The following ACO1 variants were observed in gnomAD, a reference collection of about 807,000 sequenced individuals.
ACO1 encodes aconitase 1, also known as cytoplasmic aconitate hydratase.
In ACO1, 78 loss-of-function variants were observed where a neutral mutation model predicts 105.1. That is an observed-to-expected ratio of 0.74 (90% CI 0.62 to 0.90). The LOEUF (loss-of-function observed/expected upper bound fraction) is 0.90, where lower values mean the gene tolerates loss of function less well. Ranked by LOEUF, ACO1 falls within the 40% of genes least tolerant of loss-of-function variation. The probability of loss-of-function intolerance (pLI) is 0.00; values close to 1 mark genes in which losing one functional copy is unlikely to be tolerated. For synonymous variants in ACO1, 364 were observed against 397.4 expected (o/e 0.92, Z 1.00); for missense variants, 965 against 1,111.1 (o/e 0.87, Z 1.87).
chr9:32,418,298 C>A, intron 5 of ACO1, 30 bp from the exon 6 acceptor site: 1 of 1,613,418 alleles, frequency 6.2e-7, no homozygotes, highest in South Asian at 1.1e-5. Context: ...TTCACGCGTT[C>A]ATAGTGTTCT....
chr9:32,442,719 G>A (rs1822509866), intron 19 of ACO1, among the ~76,000 whole-genome samples: 1 of 152,124 alleles, frequency 6.6e-6, no homozygotes, highest in South Asian at 2.1e-4. Context: ...AAAATCAAGG[G>A]AAAAATTTTA....
chr9:32,433,694 T>A (rs1822289997), intron 15 of ACO1, 34 bp from the exon 16 acceptor site: 19 of 1,492,556 alleles, frequency 1.3e-5, no homozygotes, highest in Non-Finnish European at 1.6e-5. Flanking sequence ...TGGAATGGGA[T>A]GTGATTAGAT....
chr9:32,436,187 G>A, intron 17 of ACO1, 63 bp from the exon 18 acceptor site: 1 of 1,602,820 alleles, frequency 6.2e-7, no homozygotes, highest in East Asian at 2.2e-5. Context: ...TTTTCTTGGT[G>A]TAAGCTAAGG....
In ACO1 at chr9:32,450,079, C is replaced by CTCAACT; in HGVS notation, c.2639_2644dup (p.Asn881_Tyr882insPheAsn). The CTCAACT allele has an allele frequency of 6.2e-7, 1 of 1,613,898 alleles. No individual in the cohort carries two copies. On this transcript the variant is annotated inframe_insertion, in exon 21 of 21. Coordinates refer to ENST00000309951, the MANE Select transcript of ACO1 (RefSeq NM_002197.3). ...CACTTATTTCCTCAACGGGGGCATC[C>CTCAACT]TCAACTACATGATCCGCAAGATGGC... is the stretch of plus-strand genomic sequence containing the variant.
At chr9:32,446,949 A>T (rs577309609) in intron 19 of ACO1, among the ~76,000 whole-genome samples, 1 of 152,274 alleles carries the variant, frequency 6.6e-6, no homozygotes, top group East Asian at 1.9e-4. Context: ...AGAGAGATCC[A>T]TTGTTAGTCT....
chr9:32,434,760 G>A, intron 17 of ACO1, 59 bp downstream of exon 17: 1 of 1,588,218 alleles, frequency 6.3e-7, no homozygotes, highest in Admixed American at 1.7e-5. Context: ...GAGTTAATGA[G>A]GCCAGCATTT....
In ACO1 at chr9:32,431,765, G is replaced by A. The variant is rs761563397; in HGVS notation, c.1773G>A (p.Pro591=). ...GQQVFLKDIW[P]TRDEIQAVER... ...AGGTATTTCTGAAAGATATCTGGCCGACTAGAGACGAGATCCAGGCAGTGG... is the reference window on the plus strand; with the variant it reads ...AGGTATTTCTGAAAGATATCTGGCCAACTAGAGACGAGATCCAGGCAGTGG... The change falls in exon 15 of 21, where the codon CCG becomes CCA. Residue 591 remains proline, a synonymous_variant. Coordinates refer to ENST00000309951, the MANE Select transcript of ACO1 (RefSeq NM_002197.3). The A allele has an allele frequency of 8.7e-6, 14 of 1,613,976 alleles. No individual in the cohort carries two copies. Among genetic ancestry groups the A allele is most frequent in the South Asian group, 3.3e-5 (3 of 91,080 alleles).
At position 32,419,129 on chromosome 9, in the gene ACO1, G is replaced by A; in HGVS notation, c.750G>A (p.Lys250=). 6.2e-7 allele frequency: 1 copy of A among 1,607,052 alleles called. No individual in the cohort carries two copies. The highest frequency in any genetic ancestry group is 1.3e-5 in the African/African-American group (1 of 74,644). ...TGATTGGCTACAGGCTGATGGGGAA[G>A]CCCCACCCTCTGGTAACATCCACTG... ...PQVIGYRLMG[K]PHPLVTSTDI... The change falls in exon 7 of 21, where the codon AAG becomes AAA. Residue 250 remains lysine, a synonymous_variant. Coordinates refer to ENST00000309951, the MANE Select transcript of ACO1 (RefSeq NM_002197.3).
intron 1 of ACO1, among the ~76,000 whole-genome samples, chr9:32,385,210 A>T (rs778925105): frequency 8.5e-5 from 13 of 152,226 alleles, no homozygotes; most frequent in Non-Finnish European, 1.5e-4. Flanking sequence ...CCTTCGTGGG[A>T]GGCTTGAACA....
chr9:32,449,835 T>A (rs920619934), intron 20 of ACO1, among the ~76,000 whole-genome samples, 163 bp from the exon 21 acceptor site: 2 of 152,100 alleles, frequency 1.3e-5, no homozygotes, highest in Non-Finnish European at 1.5e-5. Context: ...CATCTTCTGA[T>A]TTAGTGGGTC....
intron 3 of ACO1, among the ~76,000 whole-genome samples, chr9:32,407,876 A>T (rs531164740): frequency 6.6e-6 from 1 of 152,356 alleles, no homozygotes; most frequent in South Asian, 2.1e-4. Flanking sequence ...AGTCTTGACC[A>T]TAACTGTTAA....
At chr9:32,448,821 A>T (rs2118587511) in intron 19 of ACO1, 75 bp from the exon 20 acceptor site, 2 of 1,552,754 alleles carry the variant, frequency 1.3e-6, no homozygotes, top group Non-Finnish European at 1.8e-6. Context: ...CAGCTCTCTC[A>T]CAAAGTCTTT....
rs1325056393 is a variant in ACO1, at chr9:32,431,945, T to C, written c.1851+102T>C. The C allele has an allele frequency of 6.0e-6, 8 of 1,324,452 alleles. No homozygotes were observed. The East Asian group carries it at 1.0e-4, about 17-fold the overall frequency. 82.0% of individuals were successfully genotyped at this position (1,324,452 alleles called of 1,614,324 possible). On this transcript the variant is annotated intron_variant, in intron 15 of 20. Transcript: ENST00000309951. ...TCAAGGCTAACGGAAGTATAAACTA[T>C]ATAAAGTAACATTTATTTCTTCAGA...
At position 32,440,527 on chromosome 9, in the gene ACO1, T is replaced by C. The variant is rs374146138; in HGVS notation, c.2310T>C (p.Ala770=). The C allele has an allele frequency of 2.5e-6, 4 of 1,613,946 alleles. No homozygotes were observed. The African/African-American group carries it at 5.3e-5, about 22-fold the overall frequency. ...CAGGCCTTCCCCTGATCGTTCTGGCTGGCAAAGAGTACGGTGCAGGCAGCT... is the reference window on the plus strand; with the variant it reads ...CAGGCCTTCCCCTGATCGTTCTGGCCGGCAAAGAGTACGGTGCAGGCAGCT... ...QQAGLPLIVL[A]GKEYGAGSSR... The change falls in exon 19 of 21, where the codon GCT becomes GCC. Residue 770 remains alanine (A), a synonymous_variant. Transcript: ENST00000309951.
At position 32,436,298 on chromosome 9, in the gene ACO1, C is replaced by T. The variant is rs777247934; in HGVS notation, c.2148C>T (p.Asp716=). The T allele has an allele frequency of 1.4e-5, 23 of 1,614,034 alleles. No individual in the cohort carries two copies. The East Asian group carries it at 1.8e-4, about 13-fold the overall frequency. ...FNSYGSRRGN[D]AVMARGTFAN... ...CCTATGGCTCCCGCCGAGGTAATGA[C>T]GCCGTCATGGCACGGGGAACATTTG... The change falls in exon 18 of 21, where the codon GAC becomes GAT. Residue 716 remains aspartate, a synonymous_variant. Transcript: ENST00000309951.
intron 19 of ACO1, among the ~76,000 whole-genome samples, chr9:32,447,196 A>G (rs1587559911): frequency 6.6e-6 from 1 of 152,298 alleles, no homozygotes; most frequent in East Asian, 1.9e-4. Context: ...GTCACTTTCA[A>G]GTACACCATT....
intron 11 of ACO1, among the ~76,000 whole-genome samples, chr9:32,426,238 G>A (rs1468929973): frequency 6.6e-6 from 1 of 152,244 alleles, no homozygotes; most frequent in African/African-American, 2.4e-5. Context: ...AAAATAAGTA[G>A]AGGAAAGCAA....
chr9:32,422,978 A>G (rs1323840897), intron 8 of ACO1, among the ~76,000 whole-genome samples: 2 of 152,340 alleles, frequency 1.3e-5, no homozygotes, highest in African/African-American at 2.4e-5. Flanking sequence ...AGGCAAATGC[A>G]TAGGTGTGCT....
At chr9:32,401,332 GTT>G (rs56109134) in intron 1 of ACO1, among the ~76,000 whole-genome samples, 7 of 148,282 alleles carry the variant, frequency 4.7e-5, no homozygotes, top group Non-Finnish European at 7.5e-5. Flanking sequence ...GATTTTAAGG[GTT>G]TTTTTTTTCC....
Sources: gnomAD v4.1 joint callset for allele counts (sites outside exome capture counted in the v4.1 genomes callset) on GRCh38, gnomAD v4.1.1 for gene constraint, MANE v1.5 for transcripts, NCBI Gene and HGNC (gene_info 2026-07-23, HGNC 2026-07-21) for gene names.